The following KSR2 variants were observed in gnomAD, a reference collection of about 807,000 sequenced individuals.
The protein encoded by KSR2 is kinase suppressor of ras 2.
A neutral mutation model predicts 107.8 loss-of-function variants in KSR2; 25 were observed. The observed-to-expected ratio is 0.23, with a 90% CI of 0.17 to 0.32. The LOEUF is 0.32. KSR2 is among the 10% of genes least tolerant of loss of function. The pLI is 1.00. For synonymous variants in KSR2, 480 were observed against 507.0 expected (o/e 0.95, Z 0.71); for missense variants, 887 against 1,268.9 (o/e 0.70, Z 4.57).
intron 5 of KSR2, among the ~76,000 whole-genome samples, chr12:117,661,799 C>T (rs925480145): frequency 2.0e-5 from 3 of 152,098 alleles, no homozygotes; most frequent in African/African-American, 7.2e-5. Context: ...CCCGGTAGAA[C>T]CTGGTTTAAA....
Position 117,816,062 on chromosome 12 carries a change from A to G in KSR2, c.472+39366T>C, listed in dbSNP as rs148631361. Among the ~76,000 whole-genome samples the G allele has an allele frequency of 6.9e-4, 101 of 147,118 alleles. 1 individual carries two copies. In the East Asian group the frequency reaches 0.019, roughly 28 times the overall value. On this transcript the variant is annotated intron_variant, in intron 3 of 19. Transcript: ENST00000339824. ...GTGTTGGGGAGGTGAGAAGAGGGCA[A>G]GGTTGCAATTGTAAACCAAGAAGTC...
intron 4 of KSR2, among the ~76,000 whole-genome samples, chr12:117,743,117 C>G (rs968819397): frequency 2.6e-5 from 4 of 152,248 alleles, no homozygotes; most frequent in Non-Finnish European, 5.9e-5. Context: ...GGGCCTGCTG[C>G]TCCCATACAA....
Position 117,731,898 on chromosome 12 carries a change from G to T in KSR2, c.986+29113C>A, listed in dbSNP as rs947293085. Among the ~76,000 whole-genome samples the T allele has an allele frequency of 6.4e-5, 9 of 141,010 alleles. 1 individual carries two copies. The highest frequency in any genetic ancestry group is 1.3e-4 in the Non-Finnish European group (8 of 62,768). 92.5% of individuals were successfully genotyped at this position (141,010 alleles called of 152,430 possible). ...AAGTACCCAGGGACACAAACACTGCGGAAGGCCGCAGGGTCCTGTGCCTAG... is the reference window on the plus strand; with the variant it reads ...AAGTACCCAGGGACACAAACACTGCTGAAGGCCGCAGGGTCCTGTGCCTAG... On this transcript the variant is annotated intron_variant, in intron 4 of 19. Coordinates refer to ENST00000339824, the MANE Select transcript of KSR2 (RefSeq NM_173598.6).
In KSR2 at chr12:117,645,874, T is replaced by TGC. The variant is rs1237451891; in HGVS notation, c.1171+21599_1171+21600insGC. On this transcript the variant is annotated intron_variant, in intron 5 of 19. Transcript: ENST00000339824. ...GAATGTGCATGTGTATGTGCGTGTGTGTGTGTGTGTGTGTGTGTGTGTGTG... is the reference window on the plus strand; with the variant it reads ...GAATGTGCATGTGTATGTGCGTGTGTGCGTGTGTGTGTGTGTGTGTGTGTGTG... Among the ~76,000 whole-genome samples, 184 of 49,840 alleles carry TGC rather than the reference T, an allele frequency of 3.7e-3. 2 individuals are homozygous for TGC. The highest frequency in any genetic ancestry group is 0.019 in the African/African-American group (180 of 9,570). The allele number at this position is 49,840 out of a possible 152,430, so 32.7% of individuals were successfully genotyped here.
At chr12:117,663,127 T>C (rs2393251) in intron 5 of KSR2, among the ~76,000 whole-genome samples, 138,513 of 152,270 alleles carry the variant, frequency 0.91, 63,243 homozygotes, top group East Asian at 0.99. Flanking sequence ...ACACACTCCC[T>C]CCGTGATGCA....
chr12:117,544,482 G>A (rs369024757), intron 9 of KSR2, among the ~76,000 whole-genome samples: 13 of 152,036 alleles, frequency 8.6e-5, no homozygotes, highest in African/African-American at 2.9e-4. Context: ...AGCCAGGTGC[G>A]GTGGCACACA....
chr12:117,855,611 G>T (rs1296228642), intron 2 of KSR2, 33 bp from the exon 3 acceptor site: 1 of 1,611,380 alleles, frequency 6.2e-7, no homozygotes, highest in Non-Finnish European at 8.5e-7. Context: ...TCAACCGTGG[G>T]GCAGGAACAG....
chr12:117,840,779 A>G (rs1286846564), intron 3 of KSR2, among the ~76,000 whole-genome samples: 1 of 151,812 alleles, frequency 6.6e-6, no homozygotes, highest in Non-Finnish European at 1.5e-5. Flanking sequence ...GAGGTGGGCG[A>G]ATCACGAGGT....
rs1329713431 is a variant in KSR2, at chr12:117,464,867, C to T, written c.*2332G>A. On this transcript the variant is annotated 3_prime_UTR_variant, in exon 20 of 20. Coordinates refer to ENST00000339824, the MANE Select transcript of KSR2 (RefSeq NM_173598.6). Reference sequence around the variant, plus strand: ...CTGTCCTTAATCCCAAACTGGTGCTCATGAATGAATGGAAAAATCAGCTGT... The same window carrying T: ...CTGTCCTTAATCCCAAACTGGTGCTTATGAATGAATGGAAAAATCAGCTGT... The T allele has an allele frequency of 1.3e-5, 2 of 152,234 alleles. No homozygotes were observed. The highest frequency in any genetic ancestry group is 2.9e-5 in the Non-Finnish European group (2 of 68,068). The allele number at this position is 152,234 out of a possible 1,614,324, so 9.4% of individuals were successfully genotyped here.
At chr12:117,610,471 G>A (rs961876519) in intron 5 of KSR2, among the ~76,000 whole-genome samples, 1 of 152,128 alleles carries the variant, frequency 6.6e-6, no homozygotes, top group South Asian at 2.1e-4. Context: ...CAGGCACGGT[G>A]GCTCACGTCT....
intron 4 of KSR2, among the ~76,000 whole-genome samples, chr12:117,745,508 T>C (rs761316577): frequency 3.9e-5 from 6 of 151,994 alleles, no homozygotes; most frequent in Non-Finnish European, 8.8e-5. Context: ...AGAAACAAAA[T>C]AACTCATTTT....
At chr12:117,707,086 G>A (rs1052884876) in intron 4 of KSR2, among the ~76,000 whole-genome samples, 2 of 152,188 alleles carry the variant, frequency 1.3e-5, no homozygotes, top group Non-Finnish European at 2.9e-5. Flanking sequence ...CACACTACAT[G>A]AATAAACTTT....
intron 6 of KSR2, among the ~76,000 whole-genome samples, chr12:117,581,505 T>C (rs1247852884): frequency 1.3e-5 from 2 of 152,224 alleles, no homozygotes; most frequent in African/African-American, 4.8e-5. Context: ...GTACTGAGGC[T>C]AATTAGCTTT....
intron 5 of KSR2, among the ~76,000 whole-genome samples, chr12:117,632,982 T>G (rs1018661425): frequency 2.0e-5 from 3 of 152,224 alleles, no homozygotes; most frequent in Non-Finnish European, 4.4e-5. Flanking sequence ...CTATTGTGAA[T>G]AGTGCTGTAA....
At chr12:117,794,124 T>C (rs111173976) in intron 3 of KSR2, among the ~76,000 whole-genome samples, 1 of 27,470 alleles carries the variant, frequency 3.6e-5, no homozygotes. Context: ...ACATGCACAC[T>C]CACACCAACA....
chr12:117,470,768 TA>T (rs1282742105), intron 18 of KSR2, among the ~76,000 whole-genome samples: 6 of 152,256 alleles, frequency 3.9e-5, no homozygotes, highest in African/African-American at 1.4e-4. Flanking sequence ...TTGTTAATAT[TA>T]ATGTATACCC....
intron 9 of KSR2, among the ~76,000 whole-genome samples, chr12:117,548,160 C>G (rs1877013552): frequency 6.6e-6 from 1 of 151,874 alleles, no homozygotes; most frequent in Non-Finnish European, 1.5e-5. Context: ...TGGTCTGCCT[C>G]CTTCTTGCCC....
chr12:117,697,675 G>A lies in KSR2; in HGVS notation c.987-30017C>T, dbSNP rs140466144. Among the ~76,000 whole-genome samples the A allele has an allele frequency of 8.7e-3, 1,311 of 151,324 alleles. 26 individuals carry two copies. The highest frequency in any genetic ancestry group is 0.03 in the African/African-American group (1,235 of 41,048). On this transcript the variant is annotated intron_variant, in intron 4 of 19. Transcript: ENST00000339824. ...GAATCGCTTGAACCCAGGAGGCGGA[G>A]GTTGCAGTCAGCCGAGATCGCGCCA...
At chr12:117,725,395 A>G (rs888882579) in intron 4 of KSR2, among the ~76,000 whole-genome samples, 2 of 152,200 alleles carry the variant, frequency 1.3e-5, no homozygotes, top group Non-Finnish European at 2.9e-5. Context: ...GCATATGGCC[A>G]ACTTACATTT....
Sources: gnomAD v4.1 joint callset for allele counts (sites outside exome capture counted in the v4.1 genomes callset) on GRCh38, gnomAD v4.1.1 for gene constraint, MANE v1.5 for transcripts, NCBI Gene and HGNC (gene_info 2026-07-23, HGNC 2026-07-21) for gene names.